The following DHX16 variants were observed in gnomAD, a reference collection of about 807,000 sequenced individuals.
DHX16 encodes DEAH-box helicase 16, also known as pre-mRNA-splicing factor ATP-dependent RNA helicase DHX16.
DHX16 carries 81 observed loss-of-function variants against 131.2 expected under a neutral mutation model. The observed-to-expected ratio is 0.62, with a 90% CI of 0.52 to 0.74. DHX16 has a LOEUF of 0.74. Ranked by LOEUF, DHX16 falls within the 30% of genes least tolerant of loss-of-function variation. The pLI is 0.00. For missense variants in DHX16, 980 were observed against 1,363.1 expected (o/e 0.72, Z 4.43); for synonymous variants, 440 against 520.2 (o/e 0.85, Z 2.10).
chr6:30,671,410 T>C (rs1300984252), intron 1 of DHX16, 136 bp from the exon 2 acceptor site: 3 of 802,400 alleles, frequency 3.7e-6, no homozygotes, highest in Admixed American at 4.6e-5. Context: ...GGCAATGGCG[T>C]GATCTCGGCT....
chr6:30,659,656 C>A, intron 11 of DHX16, 32 bp from the exon 12 acceptor site: 1 of 1,613,566 alleles, frequency 6.2e-7, no homozygotes, highest in Non-Finnish European at 8.5e-7. Context: ...CAGCAGGGGT[C>A]CCAGAGTCAC....
At chr6:30,667,029 TG>T (rs1769105993) in intron 4 of DHX16, among the ~76,000 whole-genome samples, 1 of 152,044 alleles carries the variant, frequency 6.6e-6, no homozygotes, top group East Asian at 1.9e-4. Flanking sequence ...AGAATAATGA[TG>T]TGAGATTATA....
rs1561962037 is a variant in DHX16, at chr6:30,653,228, T to C, written c.*14A>G. ...GAAAAGGAGCTGGTGTCAGGTTCTG[T>C]TTACGTCCTTCTCTTACCCTAGCTC... On this transcript the variant is annotated 3_prime_UTR_variant, in exon 20 of 20. Coordinates refer to ENST00000376442, the MANE Select transcript of DHX16 (RefSeq NM_003587.5). 6.2e-7 allele frequency: 1 copy of C among 1,611,660 alleles called. No homozygotes were observed. The highest frequency in any genetic ancestry group is 8.5e-7 in the Non-Finnish European group (1 of 1,179,592).
chr6:30,659,177 G>A (rs553424814), intron 12 of DHX16, among the ~76,000 whole-genome samples: 4 of 152,150 alleles, frequency 2.6e-5, no homozygotes, highest in South Asian at 2.1e-4. Context: ...GTGAGCCACC[G>A]CACCTGACCT....
chr6:30,656,275 AGAG>A lies in DHX16; in HGVS notation c.2431-13_2431-11del. On this transcript the variant is annotated splice_polypyrimidine_tract_variant and intron_variant, in intron 15 of 19. Coordinates refer to ENST00000376442, the MANE Select transcript of DHX16 (RefSeq NM_003587.5). This position sits in a 1 kb window ranked among gnomAD's most constrained non-coding sequence, Gnocchi z 5.1. ...CCATCTTTCGACCAGACTAAGGAGA[AGAG>A]AGAGAGAGTTGAGCCCAGTCCTCCC... is the stretch of plus-strand genomic sequence containing the variant. The A allele has an allele frequency of 6.2e-7, 1 of 1,609,984 alleles. No individual in the cohort carries two copies. The highest frequency in any genetic ancestry group is 1.1e-5 in the South Asian group (1 of 90,982).
At position 30,662,836 on chromosome 6, in the gene DHX16, C is replaced by A; in HGVS notation, c.1428+75G>T. On this transcript the variant is annotated intron_variant, in intron 8 of 19. Coordinates refer to ENST00000376442, the MANE Select transcript of DHX16 (RefSeq NM_003587.5). This position sits in a 1 kb window ranked among gnomAD's most constrained non-coding sequence, Gnocchi z 4.7. ...AAGTGGGGCAGCACCAAGACTTCTG[C>A]TGTAGGGACCTGAGGGAACTGTAGA... 6.4e-7 allele frequency: 1 copy of A among 1,554,978 alleles called. No homozygotes were observed. The highest frequency in any genetic ancestry group is 8.9e-7 in the Non-Finnish European group (1 of 1,129,264).
In DHX16 at chr6:30,656,851, G is replaced by C; in HGVS notation, c.2149-92C>G. The C allele has an allele frequency of 1.9e-6, 3 of 1,591,510 alleles. No individual in the cohort carries two copies. The highest frequency in any genetic ancestry group is 2.6e-6 in the Non-Finnish European group (3 of 1,168,536). ...CAAGAAATCTGGAAGGATGCAAACT[G>C]CTCATCCCGGTTCCCTAGGAAGCCC... On this transcript the variant is annotated intron_variant, in intron 13 of 19. Coordinates refer to ENST00000376442, the MANE Select transcript of DHX16 (RefSeq NM_003587.5). This position sits in a 1 kb window ranked among gnomAD's most constrained non-coding sequence, Gnocchi z 5.1.
At chr6:30,654,682 G>A (rs17281677) in intron 19 of DHX16, 24 bp downstream of exon 19, 49,280 of 1,598,810 alleles carry the variant, frequency 0.031, 964 homozygotes, top group Non-Finnish European at 0.037. Flanking sequence ...CTCCACCTGC[G>A]TGGGCACAGG....
Position 30,662,674 on chromosome 6 carries a change from C to T in DHX16, c.1497G>A (p.Gly499=), listed in dbSNP as rs759246547. Residue 499 remains glycine (G), a synonymous_variant, in exon 9 of 20, where the codon GGG becomes GGA. Coordinates refer to ENST00000376442, the MANE Select transcript of DHX16 (RefSeq NM_003587.5). This position sits in a 1 kb window ranked among gnomAD's most constrained non-coding sequence, Gnocchi z 4.7. ...CAGAGAGGAACTCCCGGAGAAGCAT[C>T]CCATCTGTCATGTAGCGGAGGACAG... ...ERTVLRYMTD[G]MLLREFLSEP... is the part of the protein sequence containing the mutation. 5.0e-6 allele frequency: 8 copies of T among 1,613,142 alleles called. No homozygotes were observed. Among genetic ancestry groups the T allele is most frequent in the Middle Eastern group, 1.7e-4 (1 of 6,060 alleles).
rs755327192 is a variant in DHX16 at position 30,664,786 on chromosome 6, G to A, written c.1317+15C>T. ...GCCAGGTGCCCTGGCAAGCTGAAGG[G>A]TGAGATGACTGTACCTCCTCAAAGA... On this transcript the variant is annotated intron_variant, in intron 7 of 19. Transcript: ENST00000376442. 67 of 1,603,406 alleles carry A rather than the reference G, an allele frequency of 4.2e-5. No individual in the cohort carries two copies. The highest frequency in any genetic ancestry group is 5.4e-5 in the Non-Finnish European group (63 of 1,172,106).
chr6:30,660,836 C>A (rs1256399635), intron 9 of DHX16, among the ~76,000 whole-genome samples: 3 of 151,174 alleles, frequency 2.0e-5, no homozygotes, highest in African/African-American at 7.3e-5. Flanking sequence ...GAGCCAAGAT[C>A]GTGCCACTGC....
rs1316933280 is a variant in DHX16 at position 30,662,488 on chromosome 6, C to A, written c.1544+139G>T. ...TCTACAATCTCTTCTGTCCTCCAGC[C>A]CCATCTCCGTGGTACCTGGAGGTCA... On this transcript the variant is annotated intron_variant, in intron 9 of 19. Coordinates refer to ENST00000376442, the MANE Select transcript of DHX16 (RefSeq NM_003587.5). The surrounding 1 kb of genome is among the most constrained non-coding windows in gnomAD (Gnocchi z 4.7). 2.9e-6 allele frequency: 2 copies of A among 682,364 alleles called. No homozygotes were observed. Among genetic ancestry groups the A allele is most frequent in the East Asian group, 2.7e-5 (1 of 36,866 alleles). The allele number at this position is 682,364 out of a possible 1,614,324, so 42.3% of individuals were successfully genotyped here.
intron 4 of DHX16, among the ~76,000 whole-genome samples, chr6:30,669,328 G>A (rs1769321153): frequency 1.3e-5 from 2 of 152,046 alleles, no homozygotes. Flanking sequence ...GGCTGAGGCA[G>A]GAGAATCGCT....
At chr6:30,666,436 C>T (rs1769050600) in intron 4 of DHX16, among the ~76,000 whole-genome samples, 1 of 152,132 alleles carries the variant, frequency 6.6e-6, no homozygotes, top group African/African-American at 2.4e-5. Flanking sequence ...TCTATAAGGC[C>T]CTTTCCTGCC....
At chr6:30,671,609 T>C (rs1769562430) in intron 1 of DHX16, among the ~76,000 whole-genome samples, 1 of 152,070 alleles carries the variant, frequency 6.6e-6, no homozygotes. Context: ...CCTCCCAAAG[T>C]GCTGGGATTA....
Position 30,665,089 on chromosome 6 carries a change from A to C in DHX16, c.1107T>G (p.Thr369=). ...EEETIEFVRA[T]QLQGDEEPSA... ...CTCTTACCTCATCACCCTGGAGCTG[A>C]GTGGCCCGGACAAACTCAATGGTCT... Residue 369 remains threonine (T), a synonymous_variant, in exon 6 of 20, where the codon ACT becomes ACG. Coordinates refer to ENST00000376442, the MANE Select transcript of DHX16 (RefSeq NM_003587.5). This position sits in a 1 kb window ranked among gnomAD's most constrained non-coding sequence, Gnocchi z 4.8. 1 of 1,613,972 alleles carries C rather than the reference A, an allele frequency of 6.2e-7. No homozygotes were observed. The highest frequency in any genetic ancestry group is 1.3e-5 in the African/African-American group (1 of 74,998).
At chr6:30,654,603 T>A in intron 19 of DHX16, 103 bp downstream of exon 19, 1 of 1,179,312 alleles carries the variant, frequency 8.5e-7, no homozygotes, top group Non-Finnish European at 1.2e-6. Flanking sequence ...TACCTTCCTC[T>A]TTCTGTACCA....
rs1768598145 is a variant in DHX16, at chr6:30,662,442, A to C, written c.1544+185T>G. 6.6e-6 allele frequency among the ~76,000 whole-genome samples: 1 copy of C among 152,202 alleles called. No homozygotes were observed. Among genetic ancestry groups the C allele is most frequent in the Non-Finnish European group, 1.5e-5 (1 of 68,034 alleles). On this transcript the variant is annotated intron_variant, in intron 9 of 19. Coordinates refer to ENST00000376442, the MANE Select transcript of DHX16 (RefSeq NM_003587.5). The surrounding 1 kb of genome is among the most constrained non-coding windows in gnomAD (Gnocchi z 4.7). Reference sequence around the variant, plus strand: ...GTTGTTTTCTAAACCCTGGAGATGAATGGGGAAAGAAGAGGCTTTCTCTAC... The same window carrying C: ...GTTGTTTTCTAAACCCTGGAGATGACTGGGGAAAGAAGAGGCTTTCTCTAC...
chr6:30,662,680 T>C lies in DHX16; in HGVS notation c.1491A>G (p.Thr497=). The C allele has an allele frequency of 6.2e-7, 1 of 1,613,140 alleles. No individual in the cohort carries two copies. ...TSERTVLRYM[T]DGMLLREFLS... ...GGAACTCCCGGAGAAGCATCCCATC[T>C]GTCATGTAGCGGAGGACAGTTCGCT... is the stretch of plus-strand genomic sequence containing the variant. Residue 497 remains threonine, a synonymous_variant, in exon 9 of 20, where the codon ACA becomes ACG. Coordinates refer to ENST00000376442, the MANE Select transcript of DHX16 (RefSeq NM_003587.5). The surrounding 1 kb of genome is among the most constrained non-coding windows in gnomAD (Gnocchi z 4.7).
Sources: allele counts gnomAD v4.1 joint callset (sites outside exome capture counted in the v4.1 genomes callset), GRCh38; gene constraint gnomAD v4.1.1; non-coding constraint Gnocchi (gnomAD v3.1); transcripts MANE v1.5; gene names NCBI Gene and HGNC (gene_info 2026-07-23, HGNC 2026-07-21).